SNX13: variants seen among roughly 807,000 people sequenced by gnomAD.
SNX13 encodes sorting nexin 13.
A neutral mutation model predicts 133.6 loss-of-function variants in SNX13; 45 were observed. That is an observed-to-expected ratio of 0.34 (90% confidence interval 0.27 to 0.43). The LOEUF is 0.43. Ranked by LOEUF, SNX13 falls within the 20% of genes least tolerant of loss-of-function variation. The pLI, the probability that SNX13 is intolerant of heterozygous loss-of-function variation, is 1.00. For synonymous variants in SNX13, 414 were observed against 373.9 expected, an observed-to-expected ratio of 1.11 and a Z score of -1.24; for missense variants, 1,032 against 1,145.1, an observed-to-expected ratio of 0.90 and a Z score of 1.43.
intron 1 of SNX13, among the ~76,000 whole-genome samples, chr7:17,904,284 C>A (rs1040407621): frequency 1.3e-5 from 2 of 152,182 alleles, no homozygotes; most frequent in Non-Finnish European, 2.9e-5. Context: ...TCTCTTTGAT[C>A]CAGAATACCC....
At chr7:17,880,132 C>T (rs1306981363) in intron 5 of SNX13, 1 of 152,130 alleles carries the variant, frequency 6.6e-6, no homozygotes, top group Non-Finnish European at 1.5e-5. Flanking sequence ...ATTAACATGA[C>T]CTGGGTCTTG....
At chr7:17,869,425 A>G (rs1793781442) in intron 8 of SNX13, among the ~76,000 whole-genome samples, 1 of 152,128 alleles carries the variant, frequency 6.6e-6, no homozygotes, top group Non-Finnish European at 1.5e-5. Flanking sequence ...TATAAATACA[A>G]TGATTTCACC....
rs1328460691 is a variant in SNX13, at chr7:17,932,054, G to A, written c.12+8230C>T. Among the ~76,000 whole-genome samples, 5 of 152,084 alleles carry A rather than the reference G, an allele frequency of 3.3e-5. No individual in the cohort carries two copies. The East Asian group carries it at 5.8e-4, about 18-fold the overall frequency. On this transcript the variant is annotated intron_variant, in intron 1 of 25. Transcript: ENST00000428135. ...CTGATACTTACAAACTTTCAAGATA[G>A]CATCAAAGGTCATACAAATTGAAAC...
At chr7:17,924,241 T>C (rs10231837) in intron 1 of SNX13, among the ~76,000 whole-genome samples, 4 of 152,306 alleles carry the variant, frequency 2.6e-5, no homozygotes, top group African/African-American at 7.2e-5. Flanking sequence ...ATCTGATTAA[T>C]AGACTTCTAC....
At chr7:17,863,260 C>T (rs142895793) in intron 9 of SNX13, among the ~76,000 whole-genome samples, 2 of 152,320 alleles carry the variant, frequency 1.3e-5, no homozygotes, top group African/African-American at 4.8e-5. Context: ...GCCACAAGCA[C>T]TGCAGTCCTA....
chr7:17,802,190 G>A (rs1784719190), intron 21 of SNX13, among the ~76,000 whole-genome samples: 1 of 151,940 alleles, frequency 6.6e-6, no homozygotes, highest in Admixed American at 6.6e-5. Flanking sequence ...TAGGTTTGTG[G>A]AACTTACACA....
intron 1 of SNX13, among the ~76,000 whole-genome samples, chr7:17,936,009 T>C (rs1801980414): frequency 6.6e-6 from 1 of 152,220 alleles, no homozygotes; most frequent in African/African-American, 2.4e-5. Context: ...TGCATGTGTG[T>C]GTTCAAAAGG....
intron 2 of SNX13, among the ~76,000 whole-genome samples, chr7:17,893,926 C>T (rs1461420812): frequency 6.7e-6 from 1 of 149,192 alleles, no homozygotes; most frequent in East Asian, 2.0e-4. Flanking sequence ...GAACTGAGAT[C>T]ACGCCACTGC....
chr7:17,820,319 G>A (rs1238389942), intron 18 of SNX13, among the ~76,000 whole-genome samples: 1 of 151,718 alleles, frequency 6.6e-6, no homozygotes, highest in Admixed American at 6.6e-5. Flanking sequence ...TGTAAGGATG[G>A]GAATAAAAAG....
At chr7:17,924,366 G>A (rs1159244334) in intron 1 of SNX13, among the ~76,000 whole-genome samples, 1 of 152,166 alleles carries the variant, frequency 6.6e-6, no homozygotes, top group Admixed American at 6.5e-5. Context: ...AATGAAATAT[G>A]AAGATATACA....
At chr7:17,902,808 C>A (rs190324334) in intron 1 of SNX13, among the ~76,000 whole-genome samples, 173 of 152,276 alleles carry the variant, frequency 1.1e-3, no homozygotes, top group African/African-American at 3.8e-3. Flanking sequence ...GAGCATGCCG[C>A]GAGCATTAGC....
intron 5 of SNX13, among the ~76,000 whole-genome samples, chr7:17,877,625 A>G (rs1232887298): frequency 6.6e-6 from 1 of 152,088 alleles, no homozygotes; most frequent in Non-Finnish European, 1.5e-5. Flanking sequence ...GAAACTTTCA[A>G]ACAAAATAAA....
Position 17,875,506 on chromosome 7 carries a change from A to C in SNX13, c.638T>G (p.Val213Gly), listed in dbSNP as rs1233066444. The change falls in exon 7 of 26, where the codon GTG (valine) becomes GGG (glycine). Residue 213 changes from valine (V) to glycine (G), a missense_variant. By Grantham distance (109) the Val-to-Gly change is moderately radical (BLOSUM62 -3). Transcript: ENST00000428135. ...EMEKEVCRDLVCTSPKDEEGF... is the reference protein window; with the variant it reads ...EMEKEVCRDLGCTSPKDEEGF... ...TTCTTCATCTTTGGGGGAAGTGCACACTAGATCACGGCAAACCTCCTTCTC... is the reference window on the plus strand; with the variant it reads ...TTCTTCATCTTTGGGGGAAGTGCACCCTAGATCACGGCAAACCTCCTTCTC... 1 of 1,610,154 alleles carries C rather than the reference A, an allele frequency of 6.2e-7. No individual in the cohort carries two copies. Among genetic ancestry groups the C allele is most frequent in the African/African-American group, 1.4e-5 (1 of 73,406 alleles).
intron 5 of SNX13, among the ~76,000 whole-genome samples, chr7:17,876,372 G>A (rs1183371286): frequency 2.0e-5 from 3 of 152,146 alleles, no homozygotes; most frequent in East Asian, 3.9e-4. Context: ...CTTGAGTCCA[G>A]AAGTTCAAGA....
At chr7:17,853,066 G>A (rs1791431966) in intron 9 of SNX13, among the ~76,000 whole-genome samples, 1 of 152,164 alleles carries the variant, frequency 6.6e-6, no homozygotes, top group Admixed American at 6.5e-5. Context: ...AGAAGAGTGG[G>A]CCAGGTAACA....
intron 7 of SNX13, among the ~76,000 whole-genome samples, chr7:17,874,895 G>T (rs1324748314): frequency 6.6e-6 from 1 of 152,062 alleles, no homozygotes; most frequent in Non-Finnish European, 1.5e-5. Context: ...TATGGTAACA[G>T]GTATACTTCT....
intron 11 of SNX13, among the ~76,000 whole-genome samples, chr7:17,848,706 C>T (rs1790841166): frequency 6.6e-6 from 1 of 152,228 alleles, no homozygotes; most frequent in Non-Finnish European, 1.5e-5. Flanking sequence ...GGAGTTTGAT[C>T]CCGCCAGTGC....
intron 12 of SNX13, among the ~76,000 whole-genome samples, chr7:17,844,305 G>A (rs1790247748): frequency 6.6e-6 from 1 of 151,846 alleles, no homozygotes; most frequent in Non-Finnish European, 1.5e-5. Flanking sequence ...ATATCCTAGT[G>A]GAAATGGAAA....
rs1281266434 is a variant in SNX13 at position 17,794,151 on chromosome 7, T to C, written c.2768A>G (p.Tyr923Cys). The C allele has an allele frequency of 2.4e-5, 39 of 1,611,660 alleles. No homozygotes were observed. Among genetic ancestry groups the C allele is most frequent in the Non-Finnish European group, 3.2e-5 (38 of 1,178,436 alleles). Residue 923 changes from tyrosine (Y) to cysteine (C), a missense_variant, in exon 26 of 26, where the codon TAT (tyrosine) becomes TGT (cysteine). Tyr to Cys is a radical substitution (Grantham distance 194, BLOSUM62 -2). Coordinates refer to ENST00000428135, the MANE Select transcript of SNX13 (RefSeq NM_015132.5). Reference protein sequence around the residue: ...EGFLETLFPQYKFRELFNKLH... With the variant: ...EGFLETLFPQCKFRELFNKLH... ...TTTGTTGAAAAGTTCACGGAATTTA[T>C]ACTGTGGAAATAAGGTTTCTAAAAA...
Sources: allele counts gnomAD v4.1 joint callset (sites outside exome capture counted in the v4.1 genomes callset), GRCh38; gene constraint gnomAD v4.1.1; transcripts MANE v1.5; gene names NCBI Gene and HGNC (gene_info 2026-07-23, HGNC 2026-07-21).